The following NID1 variants were observed in gnomAD, a reference collection of about 807,000 sequenced individuals.
The protein encoded by NID1 is nidogen-1.
Under a neutral mutation model 130.6 loss-of-function variants are expected in NID1, and 76 were observed. The ratio of observed to expected loss-of-function variants is 0.58; its 90% CI spans 0.48 to 0.70. The LOEUF is 0.70. Ranked by LOEUF, NID1 falls within the 30% of genes least tolerant of loss-of-function variation. NID1 has a pLI of 0.00. For synonymous variants in NID1, 665 were observed against 675.1 expected, an observed-to-expected ratio of 0.98 and a Z score of 0.23; for missense variants, 1,517 against 1,664.8, an observed-to-expected ratio of 0.91 and a Z score of 1.54.
At position 236,032,600 on chromosome 1, in the gene NID1, G is replaced by A; in HGVS notation, c.1338C>T (p.Ser446=). 1 of 1,614,146 alleles carries A rather than the reference G, an allele frequency of 6.2e-7. No homozygotes were observed. Among genetic ancestry groups the A allele is most frequent in the South Asian group, 1.1e-5 (1 of 91,072 alleles). ...TCTCAAAGACAATGGGGACCTGGCT[G>A]CTCCCCACAAAGATCCTTCCTTTCA... The part of the protein sequence containing the change: ...GKVKGRIFVG[S]SQVPIVFENT... The change falls in exon 6 of 20, where the codon AGC becomes AGT. Residue 446 remains serine, a synonymous_variant. Coordinates refer to ENST00000264187, the MANE Select transcript of NID1 (RefSeq NM_002508.3).
intron 5 of NID1, among the ~76,000 whole-genome samples, chr1:236,036,926 TCTGCTAGAA>T (rs1387588238): frequency 6.6e-6 from 1 of 152,242 alleles, no homozygotes; most frequent in Non-Finnish European, 1.5e-5. Context: ...TTTCAGGTAT[TCTGCTAGAA>T]GCATCAGAAA....
At position 236,045,510 on chromosome 1, in the gene NID1, G is replaced by A. The variant is rs549758712; in HGVS notation, c.699C>T (p.Asn233=). The A allele has an allele frequency of 1.1e-5, 18 of 1,614,092 alleles. No individual in the cohort carries two copies. The highest frequency in any genetic ancestry group is 6.6e-5 in the South Asian group (6 of 91,076). ...CATTAGCAAATATGTTATAAGCTCC[G>A]TTGCTCTTCCATAAGAATCCCACTG... The part of the protein sequence containing the change: ...QGSVGFLWKS[N]GAYNIFANDR... Residue 233 remains asparagine (N), a synonymous_variant, in exon 3 of 20, where the codon AAC becomes AAT. Transcript: ENST00000264187.
intron 9 of NID1, among the ~76,000 whole-genome samples, chr1:236,023,710 G>GAAC (rs1658836412): frequency 6.6e-6 from 1 of 152,052 alleles, no homozygotes. Flanking sequence ...AGATGATGTT[G>GAAC]TGAAGCACTT....
intron 12 of NID1, among the ~76,000 whole-genome samples, 169 bp downstream of exon 12, chr1:236,011,752 G>A (rs1298837227): frequency 7.0e-6 from 1 of 143,766 alleles, no homozygotes; most frequent in Non-Finnish European, 1.5e-5. Flanking sequence ...GGCAGGCAAT[G>A]GGCCATGTGC....
At position 236,045,621 on chromosome 1, in the gene NID1, A is replaced by G. The variant is rs1012641944; in HGVS notation, c.588T>C (p.Tyr196=). The G allele has an allele frequency of 6.2e-7, 1 of 1,614,194 alleles. No homozygotes were observed. Among genetic ancestry groups the G allele is most frequent in the Admixed American group, 1.7e-5 (1 of 60,014 alleles). The change falls in exon 3 of 20, where the codon TAT becomes TAC. Residue 196 remains tyrosine, a synonymous_variant. Coordinates refer to ENST00000264187, the MANE Select transcript of NID1 (RefSeq NM_002508.3). ...TATGGAACTGCAGACCATCCTCAGGATAAAGGAAAATGGCATAGGAGCTGG... is the reference window on the plus strand; with the variant it reads ...TATGGAACTGCAGACCATCCTCAGGGTAAAGGAAAATGGCATAGGAGCTGG... ...SDSSSYAIFL[Y]PEDGLQFHTT...
chr1:236,064,825 C>T, intron 1 of NID1, 30 bp downstream of exon 1: 1 of 1,589,198 alleles, frequency 6.3e-7, no homozygotes, highest in Non-Finnish European at 8.6e-7. Flanking sequence ...GCCCTGCAGC[C>T]CCTCGCCCGC....
At chr1:235,982,695 G>GT (rs1171675978) in intron 15 of NID1, among the ~76,000 whole-genome samples, 2 of 152,004 alleles carry the variant, frequency 1.3e-5, no homozygotes, top group East Asian at 1.9e-4. Flanking sequence ...TTATTATATA[G>GT]TTTTTTTAAA....
chr1:236,032,003 G>T (rs1659113091), intron 6 of NID1, among the ~76,000 whole-genome samples: 1 of 152,074 alleles, frequency 6.6e-6, no homozygotes, highest in Non-Finnish European at 1.5e-5. Flanking sequence ...GGTTGGTTTG[G>T]AATTCAGAGG....
intron 12 of NID1, among the ~76,000 whole-genome samples, chr1:235,999,775 A>G (rs905368306): frequency 6.6e-6 from 1 of 152,122 alleles, no homozygotes; most frequent in African/African-American, 2.4e-5. Flanking sequence ...CAAAAATAAA[A>G]TTCCAAGTCC....
At chr1:236,033,263 A>G (rs3768082) in intron 5 of NID1, among the ~76,000 whole-genome samples, 99,035 of 152,018 alleles carry the variant, frequency 0.65, 33,497 homozygotes, top group African/African-American at 0.82. Flanking sequence ...AGCCAAGATC[A>G]TGCCACCGCA....
intron 13 of NID1, 72 bp downstream of exon 13, chr1:235,993,573 G>T: frequency 1.6e-6 from 2 of 1,289,240 alleles, no homozygotes; most frequent in Non-Finnish European, 2.1e-6. Flanking sequence ...AGAGCAAAGA[G>T]CGTGTTCAGC....
At chr1:236,017,685 AAAAT>A (rs1173946694) in intron 9 of NID1, among the ~76,000 whole-genome samples, 1 of 152,188 alleles carries the variant, frequency 6.6e-6, no homozygotes, top group Non-Finnish European at 1.5e-5. Flanking sequence ...CCCCTAGCCT[AAAAT>A]AAATTTTCTA....
intron 5 of NID1, among the ~76,000 whole-genome samples, 184 bp from the exon 6 acceptor site, chr1:236,032,836 C>T (rs566035723): frequency 3.2e-4 from 49 of 152,276 alleles, no homozygotes; most frequent in African/African-American, 1.0e-3. Flanking sequence ...CTGTATGCTG[C>T]GGGCCTTCAA....
At chr1:235,991,125 ACACC>A in intron 13 of NID1, 67 bp from the exon 14 acceptor site, 1 of 1,314,792 alleles carries the variant, frequency 7.6e-7, no homozygotes, top group East Asian at 2.5e-5. Context: ...GCACACACAC[ACACC>A]CCCACACACA....
intron 12 of NID1, among the ~76,000 whole-genome samples, chr1:236,009,616 G>T (rs776173601): frequency 6.6e-6 from 1 of 152,014 alleles, no homozygotes; most frequent in Non-Finnish European, 1.5e-5. Flanking sequence ...ATACACATGG[G>T]GCCATGCTAT....
chr1:236,004,137 G>A (rs577619050), intron 12 of NID1, among the ~76,000 whole-genome samples: 1 of 152,266 alleles, frequency 6.6e-6, no homozygotes, highest in Non-Finnish European at 1.5e-5. Flanking sequence ...GGGTGTTGTG[G>A]TGGGGAAAGA....
intron 1 of NID1, among the ~76,000 whole-genome samples, chr1:236,063,378 A>G (rs1572628432): frequency 1.3e-5 from 2 of 149,802 alleles, no homozygotes; most frequent in East Asian, 4.0e-4. Context: ...AGGCTGAGGC[A>G]GGAGAATCAT....
At chr1:235,998,459 G>A (rs1487929763) in intron 12 of NID1, among the ~76,000 whole-genome samples, 1 of 152,182 alleles carries the variant, frequency 6.6e-6, no homozygotes, top group Non-Finnish European at 1.5e-5. Flanking sequence ...TGGATCACCT[G>A]AGGTCAGGAG....
In NID1 at chr1:236,045,426, G is replaced by T. The variant is rs751966079; in HGVS notation, c.752+31C>A. On this transcript the variant is annotated intron_variant, in intron 3 of 19. Coordinates refer to ENST00000264187, the MANE Select transcript of NID1 (RefSeq NM_002508.3). Reference sequence around the variant, plus strand: ...TATCCACATTAAAAAATATTAAGAGGAGAATCTACTGAAGAACAAAGAAAG... The same window carrying T: ...TATCCACATTAAAAAATATTAAGAGTAGAATCTACTGAAGAACAAAGAAAG... 15 of 1,438,164 alleles carry T rather than the reference G, an allele frequency of 1.0e-5. No individual in the cohort carries two copies. The African/African-American group carries it at 2.0e-4, about 19-fold the overall frequency. 89.1% of individuals were successfully genotyped at this position (1,438,164 alleles called of 1,614,324 possible). A position where few individuals can be genotyped will look rare whatever the true frequency, so the allele number is the denominator to read the frequency against.
Sources: allele counts gnomAD v4.1 joint callset (sites outside exome capture counted in the v4.1 genomes callset), GRCh38; gene constraint gnomAD v4.1.1; transcripts MANE v1.5; gene names NCBI Gene and HGNC (gene_info 2026-07-23, HGNC 2026-07-21).